Variants in SORCS2 observed in about 807,000 individuals in gnomAD.
The protein encoded by SORCS2 is sortilin related VPS10 domain containing receptor 2.
A neutral mutation model predicts 141.6 loss-of-function variants in SORCS2; 100 were observed. The ratio of observed to expected loss-of-function variants is 0.71; its 90% CI spans 0.60 to 0.83. The LOEUF is 0.83. SORCS2 is among the 40% of genes least tolerant of loss of function. The pLI is 0.00. For missense variants in SORCS2, 1,646 were observed against 1,560.2 expected, an observed-to-expected ratio of 1.05 and a Z score of -0.93; for synonymous variants, 789 against 676.9, an observed-to-expected ratio of 1.17 and a Z score of -2.57.
At chr4:7,461,468 C>T (rs189798014) in intron 2 of SORCS2, among the ~76,000 whole-genome samples, 3 of 152,356 alleles carry the variant, frequency 2.0e-5, no homozygotes, top group East Asian at 3.9e-4. Context: ...GTGGGGAAAC[C>T]TGTAGCACCC....
chr4:7,352,403 G>T (rs907782955), intron 1 of SORCS2, among the ~76,000 whole-genome samples: 2 of 152,200 alleles, frequency 1.3e-5, no homozygotes, highest in Non-Finnish European at 2.9e-5. Context: ...AGTGCTACAC[G>T]GTGGCTTTGG....
At chr4:7,368,492 T>TC (rs1722045086) in intron 1 of SORCS2, among the ~76,000 whole-genome samples, 1 of 151,882 alleles carries the variant, frequency 6.6e-6, no homozygotes, top group African/African-American at 2.4e-5. Context: ...ATCCACTGGG[T>TC]CCCCCCAGCA....
chr4:7,570,492 G>A (rs989468589), intron 3 of SORCS2, among the ~76,000 whole-genome samples: 1 of 152,262 alleles, frequency 6.6e-6, no homozygotes, highest in Non-Finnish European at 1.5e-5. Flanking sequence ...GGACCTTGGT[G>A]TGTGTCCCCA....
intron 14 of SORCS2, among the ~76,000 whole-genome samples, chr4:7,707,708 G>A (rs559353148): frequency 3.9e-5 from 6 of 152,338 alleles, no homozygotes; most frequent in African/African-American, 7.2e-5. Flanking sequence ...CCCAGGCCAC[G>A]CACAGCACCA....
chr4:7,556,486 A>G (rs1033190787), intron 3 of SORCS2, among the ~76,000 whole-genome samples: 1 of 152,170 alleles, frequency 6.6e-6, no homozygotes, highest in African/African-American at 2.4e-5. Context: ...TGGTCCTATC[A>G]CTGGCACGGA....
chr4:7,468,025 C>T (rs1365978366), intron 2 of SORCS2, among the ~76,000 whole-genome samples: 2 of 152,158 alleles, frequency 1.3e-5, no homozygotes, highest in South Asian at 2.1e-4. Flanking sequence ...GGAGCCACAC[C>T]GAGGTATGAG....
At chr4:7,341,624 C>T (rs1470736564) in intron 1 of SORCS2, among the ~76,000 whole-genome samples, 1 of 152,228 alleles carries the variant, frequency 6.6e-6, no homozygotes, top group African/African-American at 2.4e-5. Context: ...CCACCATTTC[C>T]TGAGGTTCCA....
In SORCS2 at chr4:7,648,077, C is replaced by T. The variant is rs1315893110; in HGVS notation, c.814-6057C>T. 6.6e-6 allele frequency among the ~76,000 whole-genome samples: 1 copy of T among 151,990 alleles called. No individual in the cohort carries two copies. Among genetic ancestry groups the T allele is most frequent in the African/African-American group, 2.4e-5 (1 of 41,386 alleles). On this transcript the variant is annotated intron_variant, in intron 4 of 26. Coordinates refer to ENST00000507866, the MANE Select transcript of SORCS2 (RefSeq NM_020777.3). This position sits in a 1 kb window ranked among gnomAD's most constrained non-coding sequence, Gnocchi z 4.2. ...GCCTGAGATGGAATGGGGTGCCGGC[C>T]CCTGAGGGCTCTGCTTACGGTGGGG...
chr4:7,703,398 A>C, intron 13 of SORCS2, 27 bp downstream of exon 13: 1 of 1,588,998 alleles, frequency 6.3e-7, no homozygotes, highest in Non-Finnish European at 8.6e-7. Context: ...GCCCCGGGGC[A>C]GGGAGGGCAG....
chr4:7,572,575 G>T (rs145681052), intron 3 of SORCS2, among the ~76,000 whole-genome samples: 14 of 152,302 alleles, frequency 9.2e-5, no homozygotes, highest in African/African-American at 3.4e-4. Context: ...TTCAATACTT[G>T]ATGCTCGTGG....
intron 3 of SORCS2, among the ~76,000 whole-genome samples, chr4:7,631,778 A>C (rs1719914016): frequency 6.7e-6 from 1 of 148,712 alleles, no homozygotes; most frequent in African/African-American, 2.4e-5. Context: ...AGTCCCTCCC[A>C]GCCCTCCCTT....
intron 2 of SORCS2, among the ~76,000 whole-genome samples, chr4:7,505,758 C>G (rs1425455343): frequency 6.6e-6 from 1 of 152,192 alleles, no homozygotes; most frequent in African/African-American, 2.4e-5. Flanking sequence ...CTGGCCCTTC[C>G]TCTTCCTGAC....
At chr4:7,647,431 G>A (rs893169554) in intron 4 of SORCS2, among the ~76,000 whole-genome samples, 5 of 152,148 alleles carry the variant, frequency 3.3e-5, no homozygotes, top group African/African-American at 7.2e-5. Flanking sequence ...CTTTCTCACC[G>A]CTCACTGTCA....
intron 1 of SORCS2, among the ~76,000 whole-genome samples, chr4:7,349,387 C>G (rs1720813842): frequency 1.3e-5 from 2 of 152,170 alleles, no homozygotes; most frequent in African/African-American, 4.8e-5. Flanking sequence ...CGGGCTGCCA[C>G]TGGCCCCGTG....
chr4:7,485,044 G>C (rs1357930370), intron 2 of SORCS2, among the ~76,000 whole-genome samples: 1 of 152,230 alleles, frequency 6.6e-6, no homozygotes, highest in Non-Finnish European at 1.5e-5. Context: ...TCCTCAGGGG[G>C]CGTTTGTTGA....
intron 1 of SORCS2, among the ~76,000 whole-genome samples, chr4:7,272,461 A>G (rs546015296): frequency 6.6e-6 from 1 of 152,370 alleles, no homozygotes; most frequent in East Asian, 1.9e-4. Context: ...TAATAATGGA[A>G]TGTACAGATA....
intron 11 of SORCS2, 103 bp from the exon 12 acceptor site, chr4:7,697,095 G>A (rs1724760913): frequency 2.1e-6 from 2 of 938,260 alleles, no homozygotes; most frequent in Non-Finnish European, 3.3e-6. Flanking sequence ...GGAGACCCGG[G>A]GCACTGGCCA....
chr4:7,569,384 C>A (rs1397087713), intron 3 of SORCS2, among the ~76,000 whole-genome samples: 1 of 152,126 alleles, frequency 6.6e-6, no homozygotes, highest in Non-Finnish European at 1.5e-5. Flanking sequence ...TGGTGGGGCA[C>A]ACCTGTAATC....
chr4:7,398,208 C>G (rs973492213), intron 2 of SORCS2, among the ~76,000 whole-genome samples: 1 of 152,210 alleles, frequency 6.6e-6, no homozygotes, highest in Non-Finnish European at 1.5e-5. Flanking sequence ...GCATGGGGCC[C>G]AAAACCACTT....
Sources: allele counts gnomAD v4.1 joint callset (sites outside exome capture counted in the v4.1 genomes callset), GRCh38; gene constraint gnomAD v4.1.1; non-coding constraint Gnocchi (gnomAD v3.1); transcripts MANE v1.5; gene names NCBI Gene and HGNC (gene_info 2026-07-23, HGNC 2026-07-21).